Variants in PHACTR3 observed in about 807,000 individuals in gnomAD.
PHACTR3 encodes protein phosphatase 1, regulatory subunit 123.
A neutral mutation model predicts 66.8 loss-of-function variants in PHACTR3; 16 were observed. That is an observed-to-expected ratio of 0.24 (90% CI 0.16 to 0.36). The LOEUF (loss-of-function observed/expected upper bound fraction) is 0.36. Ranked by LOEUF, PHACTR3 falls within the 10% of genes least tolerant of loss-of-function variation. The probability of loss-of-function intolerance (pLI) is 1.00; values close to 1 mark genes in which losing one functional copy is unlikely to be tolerated. For missense variants in PHACTR3, 647 were observed against 719.9 expected (o/e 0.90, Z 1.16); for synonymous variants, 323 against 292.1 (o/e 1.11, Z -1.08).
chr20:59,745,279 C>T (rs1366443486), intron 2 of PHACTR3, among the ~76,000 whole-genome samples: 5 of 152,176 alleles, frequency 3.3e-5, no homozygotes, highest in Admixed American at 6.5e-5. Context: ...CCTCCGTGAC[C>T]TCAGGGGGGT....
At chr20:59,756,228 G>A (rs2039787792) in intron 4 of PHACTR3, among the ~76,000 whole-genome samples, 1 of 152,198 alleles carries the variant, frequency 6.6e-6, no homozygotes, top group South Asian at 2.1e-4. Context: ...TTCTTACGGA[G>A]CTTCACTGTT....
At chr20:59,826,345 G>A (rs1257350550) in intron 8 of PHACTR3, among the ~76,000 whole-genome samples, 2 of 152,164 alleles carry the variant, frequency 1.3e-5, no homozygotes, top group African/African-American at 4.8e-5. Flanking sequence ...TCCCTGGTCT[G>A]GGCCAATGTG....
chr20:59,775,065 TG>T (rs780305486), intron 7 of PHACTR3, among the ~76,000 whole-genome samples: 3 of 130,200 alleles, frequency 2.3e-5, no homozygotes, highest in Non-Finnish European at 5.2e-5. Flanking sequence ...GCTCCGTATT[TG>T]TCCTCATGGT....
At chr20:59,824,966 A>C (rs547890590) in intron 8 of PHACTR3, among the ~76,000 whole-genome samples, 1 of 152,374 alleles carries the variant, frequency 6.6e-6, no homozygotes, top group Non-Finnish European at 1.5e-5. Flanking sequence ...CCACAACAGC[A>C]GCCCAGTTCT....
rs200277832 is a variant in PHACTR3, at chr20:59,831,080, G to GGTGT, written c.1329-5422_1329-5419dup. Among the ~76,000 whole-genome samples the GGTGT allele has an allele frequency of 8.6e-3, 1,312 of 152,292 alleles. 19 individuals are homozygous for GGTGT. Among genetic ancestry groups the GGTGT allele is most frequent in the African/African-American group, 0.029 (1,219 of 41,560 alleles). On this transcript the variant is annotated intron_variant, in intron 8 of 12. Coordinates refer to ENST00000371015, the MANE Select transcript of PHACTR3 (RefSeq NM_080672.5). ...CTGTGCTACTCACAGCACAGGGCCA[G>GGTGT]GTGTGTCGTAGGTGACTGCTACAGA...
intron 7 of PHACTR3, among the ~76,000 whole-genome samples, chr20:59,775,168 G>C (rs1465330765): frequency 2.0e-5 from 3 of 151,650 alleles, no homozygotes; most frequent in Non-Finnish European, 4.4e-5. Context: ...GTGATGAAGG[G>C]AGAAGGAGGC....
chr20:59,817,612 A>C (rs1211060544), intron 8 of PHACTR3, among the ~76,000 whole-genome samples: 1 of 152,216 alleles, frequency 6.6e-6, no homozygotes, highest in African/African-American at 2.4e-5. Context: ...TCCATAAGTG[A>C]CCTGGGCCAG....
intron 1 of PHACTR3, among the ~76,000 whole-genome samples, chr20:59,619,921 T>C (rs2034173627): frequency 6.6e-6 from 1 of 152,144 alleles, no homozygotes; most frequent in African/African-American, 2.4e-5. Flanking sequence ...GGTCATGGCA[T>C]TGTCCTGAGG....
rs918300672 is a variant in PHACTR3 at position 59,841,301 on chromosome 20, G to T, written c.1447-94G>T. ...TCCAGTTTCAGGTTTTTTTTGTTTT[G>T]TTTTGTTTTTTAAGAGAAGTGCTGT... is the stretch of plus-strand genomic sequence containing the variant. On this transcript the variant is annotated intron_variant, in intron 10 of 12. Coordinates refer to ENST00000371015, the MANE Select transcript of PHACTR3 (RefSeq NM_080672.5). 75 of 1,321,666 alleles carry T rather than the reference G, an allele frequency of 5.7e-5. No homozygotes were observed. The African/African-American group carries it at 9.2e-4, about 16-fold the overall frequency. 81.9% of individuals were successfully genotyped at this position (1,321,666 alleles called of 1,614,324 possible).
At chr20:59,785,886 GTTTTCCAA>G (rs1568820824) in intron 7 of PHACTR3, among the ~76,000 whole-genome samples, 5 of 11,718 alleles carry the variant, frequency 4.3e-4, no homozygotes, top group African/African-American at 8.4e-4. Context: ...ACTTCATTTT[GTTTTCCAA>G]CGGCCCTCTG....
intron 1 of PHACTR3, among the ~76,000 whole-genome samples, chr20:59,613,151 A>G (rs1284290963): frequency 2.0e-5 from 3 of 152,176 alleles, no homozygotes; most frequent in Non-Finnish European, 4.4e-5. Context: ...ATCGGATATG[A>G]TTTTTAAATA....
intron 1 of PHACTR3, among the ~76,000 whole-genome samples, chr20:59,608,894 G>C (rs951359646): frequency 2.0e-5 from 3 of 152,226 alleles, no homozygotes; most frequent in Non-Finnish European, 4.4e-5. Context: ...GTCCCTTCTA[G>C]ACTGGGAGCC....
In PHACTR3 at chr20:59,845,215, G is replaced by A. The variant is rs753822199; in HGVS notation, c.1614G>A (p.Glu538=). The A allele has an allele frequency of 1.9e-6, 3 of 1,608,160 alleles. No homozygotes were observed. In the South Asian group the frequency reaches 3.3e-5, roughly 18 times the overall value. Residue 538 remains glutamate, a synonymous_variant, in exon 12 of 13, where the codon GAG becomes GAA. Coordinates refer to ENST00000371015, the MANE Select transcript of PHACTR3 (RefSeq NM_080672.5). ...DKAAIRKELN[E]YKSNEMEVHA... Reference sequence around the variant, plus strand: ...CAGCAATTCGTAAAGAATTAAATGAGTACAAAAGTAATGAAATGGAGGTAC... The same window carrying A: ...CAGCAATTCGTAAAGAATTAAATGAATACAAAAGTAATGAAATGGAGGTAC...
intron 1 of PHACTR3, chr20:59,721,107 A>G (rs1402460200): frequency 1.3e-5 from 2 of 152,232 alleles, no homozygotes; most frequent in African/African-American, 4.8e-5. Context: ...TACAGCCACT[A>G]TTTGTGGCAG....
intron 1 of PHACTR3, among the ~76,000 whole-genome samples, chr20:59,640,427 TG>T (rs537582691): frequency 9.9e-5 from 15 of 152,090 alleles, no homozygotes; most frequent in Non-Finnish European, 2.1e-4. Context: ...CAGATGCCCC[TG>T]GGGCCAGGCG....
intron 7 of PHACTR3, among the ~76,000 whole-genome samples, chr20:59,790,602 A>T (rs889166432): frequency 6.6e-6 from 1 of 152,336 alleles, no homozygotes; most frequent in African/African-American, 2.4e-5. Flanking sequence ...GGGGTTATTA[A>T]CAGCTATTGA....
chr20:59,742,129 A>G (rs781270610), intron 1 of PHACTR3, among the ~76,000 whole-genome samples: 1 of 152,112 alleles, frequency 6.6e-6, no homozygotes, highest in Non-Finnish European at 1.5e-5. Flanking sequence ...GTGCCTGTAT[A>G]CCACCCCTGT....
chr20:59,630,319 A>C (rs1009867520), intron 1 of PHACTR3, among the ~76,000 whole-genome samples: 2 of 151,956 alleles, frequency 1.3e-5, no homozygotes, highest in Non-Finnish European at 2.9e-5. Context: ...AGTAGCTGGG[A>C]TTACAGGTGC....
intron 1 of PHACTR3, among the ~76,000 whole-genome samples, chr20:59,678,459 G>A (rs2036529104): frequency 6.6e-6 from 1 of 152,166 alleles, no homozygotes; most frequent in African/African-American, 2.4e-5. Flanking sequence ...CGTTCCTCCT[G>A]TCTAGGGCCT....
Sources: allele counts gnomAD v4.1 joint callset (sites outside exome capture counted in the v4.1 genomes callset), GRCh38; gene constraint gnomAD v4.1.1; transcripts MANE v1.5; gene names NCBI Gene and HGNC (gene_info 2026-07-23, HGNC 2026-07-21).